Variants in CROCC2 observed in about 807,000 individuals in gnomAD.
CROCC2 encodes ciliary rootlet coiled-coil, rootletin family member 2, also known as ciliary rootlet coiled-coil protein 2.
A neutral mutation model predicts 177.6 loss-of-function variants in CROCC2; 163 were observed. That is an observed-to-expected ratio of 0.92 (90% CI 0.81 to 1.05). The LOEUF (loss-of-function observed/expected upper bound fraction) is 1.05. Among genes scored for constraint, CROCC2 ranks in the 50% least tolerant of loss-of-function variants. The pLI, the probability that CROCC2 is intolerant of heterozygous loss-of-function variation, is 0.00. For missense variants in CROCC2, 1,929 were observed against 1,797.8 expected (o/e 1.07, Z -1.32); for synonymous variants, 904 against 787.3 (o/e 1.15, Z -2.48).
intron 14 of CROCC2, among the ~76,000 whole-genome samples, chr2:240,939,872 A>G (rs1294861365): frequency 6.6e-6 from 1 of 152,128 alleles, no homozygotes; most frequent in Non-Finnish European, 1.5e-5. Flanking sequence ...ATTGTTATCA[A>G]TTTCTAACAT....
chr2:240,975,644 C>T (rs1459800807), intron 27 of CROCC2, among the ~76,000 whole-genome samples: 1 of 151,996 alleles, frequency 6.6e-6, no homozygotes, highest in Non-Finnish European at 1.5e-5. Context: ...CCTTCGCTCC[C>T]AGCCTTCCAT....
rs2059463055 is a variant in CROCC2, at chr2:240,935,506, T to C, written c.2087T>C (p.Leu696Pro). 7.4e-7 allele frequency: 1 copy of C among 1,348,538 alleles called. No homozygotes were observed. 83.5% of individuals were successfully genotyped at this position (1,348,538 alleles called of 1,614,324 possible). Residue 696 changes from leucine to proline, a missense_variant, in exon 14 of 32, where the codon CTG becomes CCG. Leu to Pro is a moderately conservative substitution (Grantham distance 98). Around this residue, in one of 3 missense-constraint regions of CROCC2, gnomAD observed 1,397 missense variants for 1,239.9 expected, o/e 1.13. Transcript: ENST00000690015. ...GGCCTGCAGCAGGCCTGCGGACGCC[T>C]GGAGCAGCGGCAGGAGCAGCTGGAG... The part of the protein sequence containing the change: ...RRGLQQACGR[L>P]EQRQEQLEGQ...
At position 240,967,394 on chromosome 2, in the gene CROCC2, C is replaced by G; in HGVS notation, c.4196C>G (p.Ala1399Gly). Reference protein sequence around the residue: ...MATLSSRLSEAECRCARAQSR... With the variant: ...MATLSSRLSEGECRCARAQSR... The stretch of plus-strand genomic sequence containing the variant: ...ACCCTGAGCAGCCGGCTGAGCGAGG[C>G]AGAGTGCAGGTGTGCCCGGGCCCAG... The change falls in exon 26 of 32, where the codon GCA (alanine) becomes GGA (glycine). Residue 1399 changes from alanine (A) to glycine (G), a missense_variant. Ala to Gly is a moderately conservative substitution (Grantham distance 60). Around this residue, in one of 3 missense-constraint regions of CROCC2, gnomAD observed 388 missense variants for 352.7 expected, o/e 1.10. Coordinates refer to ENST00000690015, the MANE Select transcript of CROCC2 (RefSeq NM_001351305.2). 1.1e-6 allele frequency: 1 copy of G among 872,082 alleles called. No individual in the cohort carries two copies. The highest frequency in any genetic ancestry group is 1.9e-6 in the Non-Finnish European group (1 of 527,552). The allele number at this position is 872,082 out of a possible 1,614,324, so 54.0% of individuals were successfully genotyped here.
chr2:240,981,517 A>G (rs2059799935), intron 27 of CROCC2: 1 of 152,224 alleles, frequency 6.6e-6, no homozygotes, highest in Admixed American at 6.5e-5. Context: ...GTACCACTCA[A>G]TTATTACGGT....
chr2:240,910,905 C>T (rs903983786), intron 1 of CROCC2, among the ~76,000 whole-genome samples: 7 of 152,014 alleles, frequency 4.6e-5, no homozygotes, highest in African/African-American at 1.5e-4. Flanking sequence ...CTAAGGCGGG[C>T]GGATCGCTTG....
chr2:240,983,667 C>T, intron 28 of CROCC2: 8 of 1,256,448 alleles, frequency 6.4e-6, no homozygotes, highest in Non-Finnish European at 6.2e-6. Flanking sequence ...CTGGCCCACG[C>T]ATGCTTCTGT....
At chr2:240,913,290 A>G (rs895073654) in intron 1 of CROCC2, among the ~76,000 whole-genome samples, 1 of 145,512 alleles carries the variant, frequency 6.9e-6, no homozygotes, top group African/African-American at 2.6e-5. Context: ...CTCCCTCCAC[A>G]TGGACACAGT....
At chr2:240,942,688 G>C (rs185701225) in intron 14 of CROCC2, among the ~76,000 whole-genome samples, 1 of 152,234 alleles carries the variant, frequency 6.6e-6, no homozygotes, top group East Asian at 1.9e-4. Flanking sequence ...CCAGGATTTA[G>C]CTGCTTTGTA....
At chr2:240,964,204 CAGAG>C (rs1395708899) in intron 21 of CROCC2, 1 of 568,934 alleles carries the variant, frequency 1.8e-6, no homozygotes, top group Non-Finnish European at 3.1e-6. Flanking sequence ...GGGAGTGTGA[CAGAG>C]AGGGGGAGAC....
intron 29 of CROCC2, among the ~76,000 whole-genome samples, chr2:240,989,165 G>A (rs541089100): frequency 6.6e-6 from 1 of 152,322 alleles, no homozygotes; most frequent in South Asian, 2.1e-4. Context: ...AGGGAGGTCA[G>A]AGAGGCCTGT....
At position 240,943,013 on chromosome 2, in the gene CROCC2, C is replaced by CATTTATTTT. The variant is rs1318545614; in HGVS notation, c.2170-3042_2170-3034dup. Among the ~76,000 whole-genome samples the CATTTATTTT allele has an allele frequency of 1.1e-4, 16 of 151,954 alleles. No individual in the cohort carries two copies. The East Asian group carries it at 2.9e-3, about 27-fold the overall frequency. On this transcript the variant is annotated intron_variant, in intron 14 of 31. Coordinates refer to ENST00000690015, the MANE Select transcript of CROCC2 (RefSeq NM_001351305.2). ...AATACATACTTTTTCAAAGCAGTAC[C>CATTTATTTT]ATTTATTTTATTTTCTGAGACAGGG...
intron 18 of CROCC2, chr2:240,955,648 C>T (rs1428038471): frequency 1.5e-5 from 8 of 533,974 alleles, no homozygotes; most frequent in Non-Finnish European, 1.3e-5. Flanking sequence ...GGCAGGCGCT[C>T]AGAGGGTGAA....
Position 240,993,276 on chromosome 2 carries a change from G to A in CROCC2, c.*195G>A, listed in dbSNP as rs193218116. The A allele has an allele frequency of 5.7e-5, 31 of 539,484 alleles. 1 individual carries two copies. The highest frequency in any genetic ancestry group is 4.4e-4 in the South Asian group (17 of 38,240). The allele number at this position is 539,484 out of a possible 1,614,324, so 33.4% of individuals were successfully genotyped here. Reference sequence around the variant, plus strand: ...ATTTGAAATGCATGTGGGGGCCTCCGAATTTTGAATTTTAATAAATAGTTG... The same window carrying A: ...ATTTGAAATGCATGTGGGGGCCTCCAAATTTTGAATTTTAATAAATAGTTG... On this transcript the variant is annotated 3_prime_UTR_variant, in exon 32 of 32. Transcript: ENST00000690015.
At chr2:240,952,013 C>T (rs1341497322) in intron 18 of CROCC2, among the ~76,000 whole-genome samples, 1 of 152,208 alleles carries the variant, frequency 6.6e-6, no homozygotes, top group Non-Finnish European at 1.5e-5. Context: ...AACACGTCCA[C>T]ATTGTGTCCC....
intron 1 of CROCC2, among the ~76,000 whole-genome samples, chr2:240,909,910 C>G (rs1342644750): frequency 6.6e-6 from 1 of 152,142 alleles, no homozygotes; most frequent in Non-Finnish European, 1.5e-5. Flanking sequence ...ACCATAGGGC[C>G]TGAGGAAGGC....
In CROCC2 at chr2:240,953,557, G is replaced by T. The variant is rs551658612; in HGVS notation, c.2830-2302G>T. 6.6e-6 allele frequency among the ~76,000 whole-genome samples: 1 copy of T among 152,300 alleles called. No individual in the cohort carries two copies. Among genetic ancestry groups the T allele is most frequent in the East Asian group, 1.9e-4 (1 of 5,144 alleles). ...GCACAGACGGGCTGGCCTGTGGGGA[G>T]CCCTTGCCGGTGCAGCAAGTGAGTT... is the stretch of plus-strand genomic sequence containing the variant. On this transcript the variant is annotated intron_variant, in intron 18 of 31. Transcript: ENST00000690015. The surrounding 1 kb of genome is among the most constrained non-coding windows in gnomAD (Gnocchi z 4.0).
intron 3 of CROCC2, 100 bp from the exon 4 acceptor site, chr2:240,922,438 CT>C: frequency 1.7e-6 from 1 of 590,156 alleles, no homozygotes; most frequent in East Asian, 3.1e-5. Flanking sequence ...CCAGGGAGCC[CT>C]CTCTTCCCCA....
At chr2:240,915,419 G>A (rs527809991) in intron 1 of CROCC2, among the ~76,000 whole-genome samples, 2 of 152,302 alleles carry the variant, frequency 1.3e-5, no homozygotes, top group African/African-American at 2.4e-5. Flanking sequence ...GAGGCCACAC[G>A]TGGTCCATCC....
rs573293813 is a variant in CROCC2, at chr2:240,956,427, A to G, written c.2943+455A>G. The stretch of plus-strand genomic sequence containing the variant: ...AGGCGGCTGGCCCTGCACCAGAGGA[A>G]ACTCTCGGCAGGAAAGGACACCCAC... On this transcript the variant is annotated intron_variant, in intron 19 of 31. Coordinates refer to ENST00000690015, the MANE Select transcript of CROCC2 (RefSeq NM_001351305.2). 5.3e-5 allele frequency: 9 copies of G among 169,550 alleles called. No individual in the cohort carries two copies. In the South Asian group the frequency reaches 1.3e-3, roughly 24 times the overall value. 10.5% of individuals were successfully genotyped at this position (169,550 alleles called of 1,614,324 possible).
Sources: gnomAD v4.1 joint callset for allele counts (sites outside exome capture counted in the v4.1 genomes callset) on GRCh38, gnomAD v4.1.1 for gene constraint, gnomAD v4.1.1 regional missense constraint, Gnocchi (gnomAD v3.1) non-coding constraint, MANE v1.5 for transcripts, NCBI Gene and HGNC (gene_info 2026-07-23, HGNC 2026-07-21) for gene names.